Variants in CEP70 observed in about 807,000 individuals in gnomAD.
CEP70 encodes the protein centrosomal protein 70, also known as centrosomal protein of 70 kDa.
Under a neutral mutation model 90.9 loss-of-function variants are expected in CEP70, and 70 were observed. That is an observed-to-expected ratio of 0.77 (90% CI 0.64 to 0.94). CEP70 has a LOEUF of 0.94. CEP70 is among the 40% of genes least tolerant of loss of function. The pLI, the probability that CEP70 is intolerant of heterozygous loss-of-function variation, is 0.00. For missense variants in CEP70, 648 were observed against 669.0 expected (o/e 0.97, Z 0.35); for synonymous variants, 220 against 228.3 (o/e 0.96, Z 0.33).
chr3:138,533,781 T>G (rs533847435), intron 7 of CEP70, among the ~76,000 whole-genome samples: 69 of 151,258 alleles, frequency 4.6e-4, no homozygotes, highest in Non-Finnish European at 7.8e-4. Flanking sequence ...TTATTTTTTG[T>G]TTTTTTTTGT....
At chr3:138,537,138 A>G in intron 7 of CEP70, 40 bp downstream of exon 7, 1 of 1,390,532 alleles carries the variant, frequency 7.2e-7, no homozygotes, top group African/African-American at 1.5e-5. Flanking sequence ...CAAACACAAC[A>G]ATGAATCTAG....
rs553905978 is a variant in CEP70 at position 138,591,944 on chromosome 3, A to C, written c.-96T>G. 8.3e-5 allele frequency: 88 copies of C among 1,057,754 alleles called. No individual in the cohort carries two copies. The Admixed American group carries it at 9.8e-4, about 12-fold the overall frequency. 65.5% of individuals were successfully genotyped at this position (1,057,754 alleles called of 1,614,324 possible). On this transcript the variant is annotated 5_prime_UTR_variant, in exon 2 of 18. Transcript: ENST00000264982. Reference sequence around the variant, plus strand: ...TCACCCAACGAGTCTCATGTCTGAAACTGGATCTTCATCTAGGTTTCAAAA... The same window carrying C: ...TCACCCAACGAGTCTCATGTCTGAACCTGGATCTTCATCTAGGTTTCAAAA...
intron 11 of CEP70, among the ~76,000 whole-genome samples, chr3:138,509,968 AG>A (rs1157660774): frequency 3.9e-5 from 6 of 152,274 alleles, no homozygotes; most frequent in African/African-American, 1.4e-4. Context: ...GATGTGCCAA[AG>A]AGAAGTCATG....
At chr3:138,580,382 A>C (rs587331) in intron 2 of CEP70, among the ~76,000 whole-genome samples, 89,819 of 151,932 alleles carry the variant, frequency 0.59, 27,100 homozygotes, top group East Asian at 0.94. Context: ...TGGTAATCCA[A>C]AGAATTATTC....
At chr3:138,513,891 T>C (rs890807640) in intron 11 of CEP70, among the ~76,000 whole-genome samples, 3 of 152,128 alleles carry the variant, frequency 2.0e-5, no homozygotes, top group Non-Finnish European at 4.4e-5. Context: ...AGAGTCCATG[T>C]TCTCCCACAT....
intron 10 of CEP70, among the ~76,000 whole-genome samples, chr3:138,527,843 T>A (rs75684897): frequency 0.026 from 4,014 of 152,090 alleles, 69 homozygotes; most frequent in South Asian, 0.069. Flanking sequence ...TATGAGCCAC[T>A]GCACCTAGCC....
chr3:138,554,570 C>T (rs552487074), intron 6 of CEP70, among the ~76,000 whole-genome samples: 2 of 152,248 alleles, frequency 1.3e-5, no homozygotes, highest in African/African-American at 4.8e-5. Context: ...TAGAAAACTC[C>T]TTAGAGTTTT....
Position 138,570,424 on chromosome 3 carries a change from T to C in CEP70, c.359A>G (p.Glu120Gly), listed in dbSNP as rs143423470. Residue 120 changes from glutamate (E) to glycine (G), a missense_variant, in exon 6 of 18, where the codon GAA (glutamate) becomes GGA (glycine). Physicochemically the swap from Glu to Gly is moderately conservative, Grantham distance 98. Transcript: ENST00000264982. The stretch of plus-strand genomic sequence containing the variant: ...TTCACCAATTTTGGATTTCACACTT[T>C]CCATAATTTGTTCCAAGTCATTAGC... ...QRANDLEQIM[E>G]SVKSKIGELE... is the part of the protein sequence containing the mutation. The C allele has an allele frequency of 6.2e-7, 1 of 1,610,654 alleles. No individual in the cohort carries two copies. The highest frequency in any genetic ancestry group is 1.1e-5 in the South Asian group (1 of 90,222).
At chr3:138,515,940 A>C (rs748309994) in intron 11 of CEP70, among the ~76,000 whole-genome samples, 5 of 151,746 alleles carry the variant, frequency 3.3e-5, no homozygotes, top group Non-Finnish European at 7.4e-5. Flanking sequence ...GAGACTTCTG[A>C]CTCTTCCTTT....
At chr3:138,520,172 G>C (rs543165149) in intron 11 of CEP70, among the ~76,000 whole-genome samples, 3 of 152,244 alleles carry the variant, frequency 2.0e-5, no homozygotes, top group East Asian at 3.9e-4. Flanking sequence ...GGAGCACCCA[G>C]ATTCATAAAG....
At chr3:138,503,142 T>A (rs1374888633) in intron 13 of CEP70, among the ~76,000 whole-genome samples, 1 of 152,180 alleles carries the variant, frequency 6.6e-6, no homozygotes, top group Non-Finnish European at 1.5e-5. Context: ...ATTCTTTTCA[T>A]CTTGTAACAC....
At chr3:138,555,465 C>T (rs1254490972) in intron 6 of CEP70, among the ~76,000 whole-genome samples, 2 of 152,060 alleles carry the variant, frequency 1.3e-5, no homozygotes, top group African/African-American at 4.8e-5. Context: ...GCAAAAGGAA[C>T]AGTCAGCAAA....
chr3:138,544,380 A>C (rs1168988185), intron 6 of CEP70, among the ~76,000 whole-genome samples: 1 of 150,830 alleles, frequency 6.6e-6, no homozygotes, highest in African/African-American at 2.4e-5. Flanking sequence ...AGTACTGGTG[A>C]GGATATAGAG....
intron 13 of CEP70, among the ~76,000 whole-genome samples, 193 bp downstream of exon 13, chr3:138,505,102 T>C (rs1389556906): frequency 6.6e-6 from 1 of 152,156 alleles, no homozygotes; most frequent in Non-Finnish European, 1.5e-5. Context: ...CAACATCAAA[T>C]AGACAGTACC....
At chr3:138,579,433 GCTTGCAGTTC>G (rs1368377156) in intron 2 of CEP70, among the ~76,000 whole-genome samples, 1 of 151,846 alleles carries the variant, frequency 6.6e-6, no homozygotes, top group African/African-American at 2.4e-5. Flanking sequence ...AGGCAGCACA[GCTTGCAGTTC>G]CAAAAGTAAA....
At chr3:138,592,006 C>T in intron 1 of CEP70, 50 bp from the exon 2 acceptor site, 1 of 638,720 alleles carries the variant, frequency 1.6e-6, no homozygotes, top group South Asian at 2.0e-5. Flanking sequence ...GTTCAACCTC[C>T]TAGTAAGAAT....
chr3:138,545,228 G>A (rs748619139), intron 6 of CEP70, among the ~76,000 whole-genome samples: 2 of 152,160 alleles, frequency 1.3e-5, no homozygotes, highest in Non-Finnish European at 2.9e-5. Flanking sequence ...TGGACCCAGG[G>A]CAGAGGAACA....
chr3:138,525,220 C>A, intron 11 of CEP70, among the ~76,000 whole-genome samples: 1 of 150,704 alleles, frequency 6.6e-6, no homozygotes, highest in Admixed American at 6.6e-5. Context: ...ACAATGAGAA[C>A]ACATGGACAC....
chr3:138,579,317 A>G (rs2041724184), intron 2 of CEP70, among the ~76,000 whole-genome samples: 1 of 152,106 alleles, frequency 6.6e-6, no homozygotes, highest in South Asian at 2.1e-4. Flanking sequence ...GGCAAGTCCT[A>G]GTGCTATGCT....
Sources: gnomAD v4.1 joint callset for allele counts (sites outside exome capture counted in the v4.1 genomes callset) on GRCh38, gnomAD v4.1.1 for gene constraint, MANE v1.5 for transcripts, NCBI Gene and HGNC (gene_info 2026-07-23, HGNC 2026-07-21) for gene names.